The following ATRNL1 variants were observed in gnomAD, a reference collection of about 807,000 sequenced individuals.
ATRNL1 encodes attractin-like protein 1.
ATRNL1 carries 95 observed loss-of-function variants against 182.7 expected under a neutral mutation model. The observed-to-expected ratio is 0.52, with a 90% CI of 0.44 to 0.62. The LOEUF is 0.62. Among genes scored for constraint, ATRNL1 ranks in the 20% least tolerant of loss-of-function variants. The pLI is 0.00. For missense variants in ATRNL1, 1,471 were observed against 1,679.5 expected (o/e 0.88, Z 2.17); for synonymous variants, 576 against 568.3 (o/e 1.01, Z -0.19).
At chr10:115,293,689 TA>T (rs1463312067) in intron 15 of ATRNL1, among the ~76,000 whole-genome samples, 2 of 152,228 alleles carry the variant, frequency 1.3e-5, no homozygotes, top group African/African-American at 2.4e-5. Context: ...CTGTGGAAGA[TA>T]TTATTTCTCC....
At chr10:115,510,753 C>G (rs1193733227) in intron 24 of ATRNL1, among the ~76,000 whole-genome samples, 9 of 151,866 alleles carry the variant, frequency 5.9e-5, no homozygotes, top group African/African-American at 2.2e-4. Context: ...ATGCTATTAG[C>G]AGAGAAAGAA....
At chr10:115,912,325 T>A (rs1309162161) in intron 28 of ATRNL1, among the ~76,000 whole-genome samples, 3 of 152,126 alleles carry the variant, frequency 2.0e-5, no homozygotes, top group Non-Finnish European at 4.4e-5. Context: ...CTAATAAAAA[T>A]GACTGTAGTC....
chr10:115,370,901 G>A (rs1554947861), intron 19 of ATRNL1, among the ~76,000 whole-genome samples: 1 of 152,136 alleles, frequency 6.6e-6, no homozygotes. Context: ...GGAGGCCTAG[G>A]AGGAAAACAT....
Position 115,668,369 on chromosome 10 carries a change from C to T in ATRNL1, c.3796-58879C>T, listed in dbSNP as rs182025228. Among the ~76,000 whole-genome samples, 405 of 152,228 alleles carry T rather than the reference C, an allele frequency of 2.7e-3. 2 individuals carry two copies. Among genetic ancestry groups the T allele is most frequent in the Non-Finnish European group, 4.3e-3 (293 of 68,016 alleles). ...TTAGTTATGTTGCTTTATCTTACTA[C>T]CTTATACCTGAAATTGTTCACAATA... On this transcript the variant is annotated intron_variant, in intron 26 of 28. Coordinates refer to ENST00000355044, the MANE Select transcript of ATRNL1 (RefSeq NM_207303.4).
intron 5 of ATRNL1, among the ~76,000 whole-genome samples, chr10:115,139,087 A>G (rs2143800566): frequency 6.6e-6 from 1 of 152,250 alleles, no homozygotes; most frequent in Admixed American, 6.5e-5. Flanking sequence ...CCTTTGTTCC[A>G]TTTCCCAACA....
In ATRNL1 at chr10:115,722,250, A is replaced by G. The variant is rs118076660; in HGVS notation, c.3796-4998A>G. On this transcript the variant is annotated intron_variant, in intron 26 of 28. Coordinates refer to ENST00000355044, the MANE Select transcript of ATRNL1 (RefSeq NM_207303.4). ...GCATATTGCCGGCAGGTCAAAGATT[A>G]TAAAAGCCTAGAAAAAAAAATAACA... Among the ~76,000 whole-genome samples, 713 of 133,616 alleles carry G rather than the reference A, an allele frequency of 5.3e-3. 2 individuals carry two copies. The highest frequency in any genetic ancestry group is 8.8e-3 in the Non-Finnish European group (534 of 60,578). The allele number at this position is 133,616 out of a possible 152,430, so 87.7% of individuals were successfully genotyped here.
chr10:115,682,966 C>T (rs567078711), intron 26 of ATRNL1, among the ~76,000 whole-genome samples: 8 of 152,146 alleles, frequency 5.3e-5, no homozygotes, highest in African/African-American at 1.9e-4. Flanking sequence ...AAGCAAGTTA[C>T]GTATTCTCTC....
At chr10:115,253,688 T>C (rs1850983293) in intron 10 of ATRNL1, among the ~76,000 whole-genome samples, 1 of 152,124 alleles carries the variant, frequency 6.6e-6, no homozygotes. Context: ...CATGTCGGTT[T>C]GCTGCACCCA....
At chr10:115,675,429 GA>G (rs1183218081) in intron 26 of ATRNL1, among the ~76,000 whole-genome samples, 1 of 152,034 alleles carries the variant, frequency 6.6e-6, no homozygotes, top group Non-Finnish European at 1.5e-5. Flanking sequence ...AGAGAAAGAA[GA>G]AAAGAAGAAG....
chr10:115,456,921 C>T (rs900556328), intron 21 of ATRNL1, among the ~76,000 whole-genome samples: 19 of 152,142 alleles, frequency 1.2e-4, no homozygotes, highest in Non-Finnish European at 2.5e-4. Context: ...TTTTTGCTCC[C>T]GTTGTTCGGT....
intron 8 of ATRNL1, among the ~76,000 whole-genome samples, chr10:115,171,703 G>A (rs970451870): frequency 6.6e-6 from 1 of 151,870 alleles, no homozygotes; most frequent in Admixed American, 6.6e-5. Context: ...ATATCTTTAT[G>A]TATGTATTAC....
chr10:115,301,402 G>A (rs1170096638), intron 16 of ATRNL1, among the ~76,000 whole-genome samples: 2 of 152,122 alleles, frequency 1.3e-5, no homozygotes, highest in Non-Finnish European at 2.9e-5. Flanking sequence ...TAAAGGCTGT[G>A]ATAAATATTG....
intron 19 of ATRNL1, among the ~76,000 whole-genome samples, chr10:115,337,371 T>A (rs1410597657): frequency 6.6e-6 from 1 of 152,174 alleles, no homozygotes; most frequent in Non-Finnish European, 1.5e-5. Flanking sequence ...CAAGTTATTT[T>A]AAAATGTACA....
chr10:115,591,653 T>C (rs1673826459), intron 26 of ATRNL1, among the ~76,000 whole-genome samples: 1 of 152,190 alleles, frequency 6.6e-6, no homozygotes, highest in African/African-American at 2.4e-5. Context: ...CCTGACATTG[T>C]GTAGCTTTCT....
At chr10:115,447,321 GA>G (rs1321596224) in intron 21 of ATRNL1, among the ~76,000 whole-genome samples, 1 of 151,450 alleles carries the variant, frequency 6.6e-6, no homozygotes, top group Non-Finnish European at 1.5e-5. Context: ...AGATAGAGTT[GA>G]TTTTTTTTGT....
At chr10:115,592,945 G>GTCTATCTGTCTA (rs1555012822) in intron 26 of ATRNL1, among the ~76,000 whole-genome samples, 66 of 152,038 alleles carry the variant, frequency 4.3e-4, no homozygotes, top group Admixed American at 1.8e-3. Flanking sequence ...CTGTCTATCT[G>GTCTATCTGTCTA]TCTATCTATC....
At chr10:115,311,189 A>AT (rs58808060) in intron 17 of ATRNL1, among the ~76,000 whole-genome samples, 91,410 of 133,160 alleles carry the variant, frequency 0.69, 31,974 homozygotes, top group Admixed American at 0.79. Context: ...TATGATTTAG[A>AT]TTTTTTTTTT....
intron 9 of ATRNL1, 93 bp from the exon 10 acceptor site, chr10:115,241,478 C>A: frequency 2.7e-6 from 2 of 734,108 alleles, no homozygotes; most frequent in Non-Finnish European, 2.1e-6. Context: ...CCAGGGAAAC[C>A]TCTATATGCA....
intron 26 of ATRNL1, among the ~76,000 whole-genome samples, chr10:115,662,403 C>T (rs1203362051): frequency 1.3e-5 from 2 of 151,978 alleles, no homozygotes; most frequent in Non-Finnish European, 2.9e-5. Context: ...GTCAGTGTGG[C>T]GATTCCTCAG....
Sources: allele counts gnomAD v4.1 joint callset (sites outside exome capture counted in the v4.1 genomes callset), GRCh38; gene constraint gnomAD v4.1.1; transcripts MANE v1.5; gene names NCBI Gene and HGNC (gene_info 2026-07-23, HGNC 2026-07-21).